C2: variants seen among roughly 807,000 people sequenced by gnomAD.
The protein encoded by C2 is complement C2, also known as C3/C5 convertase.
In C2, 64 loss-of-function variants were observed where a neutral mutation model predicts 85.2. That is an observed-to-expected ratio of 0.75 (90% CI 0.61 to 0.92). C2 has a LOEUF of 0.92. Among genes scored for constraint, C2 ranks in the 40% least tolerant of loss-of-function variants. The pLI is 0.00. For missense variants in C2, 820 were observed against 971.6 expected (o/e 0.84, Z 2.07); for synonymous variants, 311 against 370.8 (o/e 0.84, Z 1.85).
chr6:31,912,568 G>A (rs1484009545), intron 1 of C2, among the ~76,000 whole-genome samples: 2 of 152,108 alleles, frequency 1.3e-5, no homozygotes, highest in African/African-American at 2.4e-5. Flanking sequence ...GGCCGGGCAC[G>A]GTGGCTCACA....
At chr6:31,924,001 C>T (rs12194905), upstream of C2, among the ~76,000 whole-genome samples, 3,671 of 150,986 alleles carry the variant, frequency 0.024, 58 homozygotes, top group Non-Finnish European at 0.027. Flanking sequence ...GGGGTTTCAC[C>T]GTGTTAGCCA....
In C2 at chr6:31,928,866, T is replaced by C. The variant is rs1417065929; in HGVS notation, c.391T>C (p.Cys131Arg). Residue 131 changes from cysteine (C) to arginine (R), a missense_variant, in exon 3 of 18, where the codon TGT (cysteine) becomes CGT (arginine). By Grantham distance (180) the Cys-to-Arg change is radical. Transcript: ENST00000299367. ...FILRGSPVRQCRPNGMWDGET... is the reference protein window; with the variant it reads ...FILRGSPVRQRRPNGMWDGET... ...ATTGCGGGGCTCGCCTGTGCGTCAG[T>C]GTCGCCCCAACGGCATGTGGGATGG... 1.2e-6 allele frequency: 2 copies of C among 1,614,192 alleles called. No individual in the cohort carries two copies. Among genetic ancestry groups the C allele is most frequent in the Non-Finnish European group, 8.5e-7 (1 of 1,180,028 alleles).
At chr6:31,934,658 A>C in intron 6 of C2, 1 of 1,282,106 alleles carries the variant, frequency 7.8e-7, no homozygotes, top group Non-Finnish European at 9.9e-7. Context: ...AATCAGATTA[A>C]TAATTTAATA....
rs1431315259 is a variant in C2 at position 31,933,757 on chromosome 6, G to A, written c.590G>A (p.Trp197Ter). 2 of 1,613,650 alleles carry A rather than the reference G, an allele frequency of 1.2e-6. No homozygotes were observed. The highest frequency in any genetic ancestry group is 1.7e-6 in the Non-Finnish European group (2 of 1,180,050). ...SERECQGNGV[W>*]SGTEPICRQP... ...CGGGAGTGCCAGGGCAACGGGGTCT[G>A]GAGTGGAACGGAGCCCATCTGCCGC... The change falls in exon 4 of 18, where the codon TGG becomes TAG. Residue 197 changes from tryptophan to a stop codon, truncating the protein, a stop_gained. Coordinates refer to ENST00000299367, the MANE Select transcript of C2 (RefSeq NM_000063.6). LOFTEE classifies it high-confidence loss of function.
chr6:31,905,950 C>T (rs1351680135), intron 1 of C2, among the ~76,000 whole-genome samples: 2 of 152,046 alleles, frequency 1.3e-5, no homozygotes, highest in Admixed American at 1.3e-4. Flanking sequence ...GGACATTTGT[C>T]TAAGACATTC....
chr6:31,912,638 G>A (rs1418717520), intron 1 of C2, among the ~76,000 whole-genome samples: 5 of 151,944 alleles, frequency 3.3e-5, no homozygotes, highest in African/African-American at 1.2e-4. Flanking sequence ...TCAGGAGTTC[G>A]AGACCAGTCT....
Position 31,928,886 on chromosome 6 carries a change from G to A in C2, c.411G>A (p.Trp137Ter), listed in dbSNP as rs1769495728. Residue 137 changes from tryptophan (W) to a stop codon, truncating the protein, a stop_gained, in exon 3 of 18, where the codon TGG becomes TGA. Transcript: ENST00000299367. LOFTEE classifies it high-confidence loss of function. ...GTCAGTGTCGCCCCAACGGCATGTG[G>A]GATGGAGAAACAGCTGTGTGTGATA... Reference protein sequence around the residue: ...PVRQCRPNGMWDGETAVCDNG... With the variant: ...PVRQCRPNGM 1.2e-6 allele frequency: 2 copies of A among 1,613,974 alleles called. No homozygotes were observed. The highest frequency in any genetic ancestry group is 1.3e-5 in the African/African-American group (1 of 74,948).
At chr6:31,915,037 C>G (rs1768409754), upstream of C2, among the ~76,000 whole-genome samples, 1 of 152,186 alleles carries the variant, frequency 6.6e-6, no homozygotes, top group African/African-American at 2.4e-5. Context: ...AACGTTGGTG[C>G]TGGCTTTCCC....
rs1263341379 is a variant in C2, at chr6:31,920,765, G to T, written c.-100+739G>T. 9.2e-5 allele frequency among the ~76,000 whole-genome samples: 14 copies of T among 152,164 alleles called. No homozygotes were observed. The highest frequency in any genetic ancestry group is 1.8e-4 in the Non-Finnish European group (12 of 68,032). ...TGAGTTTTTGTCTGAAAGAGATATG[G>T]CGCCTACAGGAGGTCAGGGACAGGC... is the stretch of plus-strand genomic sequence containing the variant. On this transcript the variant is annotated intron_variant, in intron 1 of 3. Transcript: ENST00000413154. The surrounding 1 kb of genome is among the most constrained non-coding windows in gnomAD (Gnocchi z 5.6).
At position 31,943,081 on chromosome 6, in the gene C2, G is replaced by A; in HGVS notation, c.1342G>A (p.Val448Ile). The A allele has an allele frequency of 1.2e-6, 2 of 1,613,082 alleles. No individual in the cohort carries two copies. The highest frequency in any genetic ancestry group is 8.5e-7 in the Non-Finnish European group (1 of 1,180,030). The change falls in exon 10 of 18, where the codon GTC becomes ATC. Residue 448 changes from valine to isoleucine, a missense_variant. By Grantham distance (29) the Val-to-Ile change is conservative. Transcript: ENST00000299367. This position sits in a 1 kb window ranked among gnomAD's most constrained non-coding sequence, Gnocchi z 6.4. ...GCAGGACACAAAGGCTCTGCACCAG[G>A]TCTTTGAACATATGCTGGGTGAGTG... ...ILQDTKALHQ[V>I]FEHMLDVSKL...
At chr6:31,926,728 A>T (rs1003502262), upstream of C2, among the ~76,000 whole-genome samples, 1 of 151,956 alleles carries the variant, frequency 6.6e-6, no homozygotes, top group African/African-American at 2.4e-5. Flanking sequence ...TCCATCTTCT[A>T]GGTTCAATCA....
chr6:31,929,717 CAAAAAA>C (rs9279455), intron 3 of C2, among the ~76,000 whole-genome samples: 2 of 42,524 alleles, frequency 4.7e-5, no homozygotes, highest in Non-Finnish European at 4.0e-5. Flanking sequence ...GACTCTGTCT[CAAAAAA>C]AAAAAAAAAA....
chr6:31,928,702 A>G, intron 2 of C2, 30 bp from the exon 3 acceptor site: 2 of 1,612,740 alleles, frequency 1.2e-6, no homozygotes, highest in Non-Finnish European at 1.7e-6. Context: ...ATCCAGTCCT[A>G]TATTCCCCAC....
upstream of C2, among the ~76,000 whole-genome samples, chr6:31,923,556 T>G (rs1200382798): frequency 1.3e-5 from 2 of 151,892 alleles, no homozygotes; most frequent in Non-Finnish European, 1.5e-5. Flanking sequence ...CGATCTCCGC[T>G]CACTGCAAGC....
In C2 at chr6:31,904,746, G is replaced by A. The variant is rs118146343; in HGVS notation, c.73+3607G>A. Among the ~76,000 whole-genome samples the A allele has an allele frequency of 7.4e-3, 1,123 of 152,190 alleles. 30 individuals carry two copies. The highest frequency in any genetic ancestry group is 0.041 in the South Asian group (195 of 4,810). On this transcript the variant is annotated intron_variant, in intron 1 of 3. Coordinates refer to the C2 transcript ENST00000452202. The surrounding 1 kb of genome is among the most constrained non-coding windows in gnomAD (Gnocchi z 4.4). ...GCTGTCAAGTTAAGAATTAGAGTTT[G>A]TAAAATTTTGTTTCTTGTCCCTTTC...
intron 1 of C2, among the ~76,000 whole-genome samples, chr6:31,905,388 T>C (rs1236947628): frequency 6.6e-6 from 1 of 151,412 alleles, no homozygotes; most frequent in African/African-American, 2.4e-5. Flanking sequence ...CAGTGAACCA[T>C]GATAGTGCCA....
chr6:31,927,551 G>A, upstream of C2: 1 of 1,496,158 alleles, frequency 6.7e-7, no homozygotes, highest in South Asian at 1.4e-5. This position sits in a 1 kb window ranked among gnomAD's most constrained non-coding sequence, Gnocchi z 4.7. Flanking sequence ...CAGGGAGACA[G>A]GGCAAAGGTT....
upstream of C2, chr6:31,897,816 C>T (rs776850499): frequency 5.9e-6 from 6 of 1,009,888 alleles, no homozygotes; most frequent in Admixed American, 5.5e-5. Flanking sequence ...TCGGAGATGG[C>T]TGTGACTGTC....
rs764589447 is a variant in C2 at position 31,927,732 on chromosome 6, G to T, written c.-21G>T. On this transcript the variant is annotated 5_prime_UTR_variant, in exon 1 of 18. Coordinates refer to ENST00000299367, the MANE Select transcript of C2 (RefSeq NM_000063.6). The surrounding 1 kb of genome is among the most constrained non-coding windows in gnomAD (Gnocchi z 4.7). ...TCCCTCCCGCGGCTCTCTACCTCTC[G>T]CCGCCCCTAGGGAGGACACCATGGG... is the stretch of plus-strand genomic sequence containing the variant. 7.4e-6 allele frequency: 12 copies of T among 1,612,932 alleles called. No homozygotes were observed. Among genetic ancestry groups the T allele is most frequent in the Non-Finnish European group, 1.0e-5 (12 of 1,179,976 alleles).
Sources: gnomAD v4.1 joint callset for allele counts (sites outside exome capture counted in the v4.1 genomes callset) on GRCh38, gnomAD v4.1.1 for gene constraint, Gnocchi (gnomAD v3.1) non-coding constraint, MANE v1.5 for transcripts, NCBI Gene and HGNC (gene_info 2026-07-23, HGNC 2026-07-21) for gene names.